Variants in SHANK2 observed in about 807,000 individuals in gnomAD.
SHANK2 encodes the protein SH3 and multiple ankyrin repeat domains 2, also known as SH3 and multiple ankyrin repeat domains protein 2.
In SHANK2, 43 loss-of-function variants were observed where a neutral mutation model predicts 133.7. The ratio of observed to expected loss-of-function variants is 0.32; its 90% CI spans 0.25 to 0.41. The LOEUF is 0.41. Among genes scored for constraint, SHANK2 ranks in the 10% least tolerant of loss-of-function variants. The pLI is 1.00. For missense variants in SHANK2, 1,994 were observed against 2,235.8 expected, an observed-to-expected ratio of 0.89 and a Z score of 2.18; for synonymous variants, 1,017 against 952.8, an observed-to-expected ratio of 1.07 and a Z score of -1.24.
At chr11:71,209,323 C>A (rs1469245050) in intron 2 of SHANK2, among the ~76,000 whole-genome samples, 4 of 152,210 alleles carry the variant, frequency 2.6e-5, no homozygotes, top group Admixed American at 2.0e-4. Context: ...GAGTGGGCCA[C>A]TCCCGACACA....
At chr11:70,530,752 T>TGTTTACTGGGGACGGA (rs1328412375) in intron 17 of SHANK2, among the ~76,000 whole-genome samples, 4 of 151,836 alleles carry the variant, frequency 2.6e-5, no homozygotes, top group African/African-American at 4.8e-5. Context: ...GAAGAGCTAG[T>TGTTTACTGGGGACGGA]GTTTACTGGG....
At chr11:70,608,943 C>T (rs2060617567) in intron 17 of SHANK2, among the ~76,000 whole-genome samples, 1 of 152,228 alleles carries the variant, frequency 6.6e-6, no homozygotes, top group South Asian at 2.1e-4. Context: ...CAAACCCATG[C>T]TAATTAATTT....
chr11:70,682,560 T>C (rs939095632), intron 15 of SHANK2, among the ~76,000 whole-genome samples: 2 of 152,230 alleles, frequency 1.3e-5, no homozygotes, highest in African/African-American at 2.4e-5. Flanking sequence ...GAGGATGATA[T>C]TGACTTTCTA....
At chr11:70,605,948 T>TC (rs199991331) in intron 17 of SHANK2, among the ~76,000 whole-genome samples, 6 of 149,774 alleles carry the variant, frequency 4.0e-5, no homozygotes, top group African/African-American at 1.2e-4. Flanking sequence ...AACCTATTAT[T>TC]CCCCCCCCTC....
chr11:71,236,167 C>A (rs1391004728), intron 1 of SHANK2, among the ~76,000 whole-genome samples: 1 of 152,202 alleles, frequency 6.6e-6, no homozygotes, highest in Non-Finnish European at 1.5e-5. Flanking sequence ...TTCTCCACAT[C>A]CCCAGCTCAA....
chr11:70,834,814 G>A (rs937386703), intron 11 of SHANK2, among the ~76,000 whole-genome samples: 5 of 152,170 alleles, frequency 3.3e-5, no homozygotes, highest in African/African-American at 1.2e-4. Context: ...CTGCAGGATC[G>A]AGGGAGGCCC....
intron 6 of SHANK2, among the ~76,000 whole-genome samples, chr11:71,104,172 C>T (rs1482406242): frequency 1.3e-5 from 2 of 152,014 alleles, no homozygotes; most frequent in African/African-American, 2.4e-5. Flanking sequence ...CACATTTTCC[C>T]GGCACCACCG....
intron 9 of SHANK2, among the ~76,000 whole-genome samples, chr11:71,063,864 C>A (rs1302239321): frequency 1.3e-5 from 2 of 152,214 alleles, no homozygotes; most frequent in Admixed American, 6.5e-5. Flanking sequence ...TACCTCCCCA[C>A]GAAGGAGCGT....
chr11:70,623,090 G>T, intron 17 of SHANK2, among the ~76,000 whole-genome samples: 1 of 152,116 alleles, frequency 6.6e-6, no homozygotes, highest in East Asian at 1.9e-4. Flanking sequence ...GCAGGAGAAT[G>T]GCGTGAACCC....
chr11:70,819,970 G>A (rs868927889), intron 12 of SHANK2, among the ~76,000 whole-genome samples: 33 of 152,266 alleles, frequency 2.2e-4, no homozygotes, highest in Admixed American at 1.6e-3. Context: ...CATGGCCCTC[G>A]GGAGGGCACA....
At chr11:70,678,251 A>G (rs1002273249) in intron 15 of SHANK2, among the ~76,000 whole-genome samples, 2 of 151,974 alleles carry the variant, frequency 1.3e-5, no homozygotes, top group African/African-American at 2.4e-5. Context: ...GGCTCAAGCA[A>G]TTCTTCTGCC....
At chr11:70,819,500 G>A (rs578251337) in intron 12 of SHANK2, among the ~76,000 whole-genome samples, 17 of 152,344 alleles carry the variant, frequency 1.1e-4, no homozygotes, top group East Asian at 3.9e-4. Flanking sequence ...GGGAGGTGGC[G>A]TGAGAAAGGC....
At chr11:70,773,555 T>C (rs930366309) in intron 14 of SHANK2, among the ~76,000 whole-genome samples, 4 of 152,250 alleles carry the variant, frequency 2.6e-5, no homozygotes, top group African/African-American at 7.2e-5. Flanking sequence ...GTGGTGACTA[T>C]GAACGTGGGA....
At chr11:70,717,628 A>G (rs1647278796) in intron 14 of SHANK2, among the ~76,000 whole-genome samples, 1 of 152,144 alleles carries the variant, frequency 6.6e-6, no homozygotes, top group African/African-American at 2.4e-5. Flanking sequence ...TCTCGTAAAG[A>G]ACAAAGGCTC....
chr11:70,760,886 A>C (rs1340353065), intron 14 of SHANK2, among the ~76,000 whole-genome samples: 2 of 152,180 alleles, frequency 1.3e-5, no homozygotes, highest in East Asian at 3.9e-4. Context: ...GAGGATGAGA[A>C]GAGCCAGCAG....
chr11:70,835,607 G>A (rs1479858082), intron 11 of SHANK2, among the ~76,000 whole-genome samples: 11 of 152,176 alleles, frequency 7.2e-5, no homozygotes, highest in African/African-American at 2.7e-4. Context: ...TCCCTGGGAG[G>A]AACTAGAGCT....
At position 70,881,382 on chromosome 11, in the gene SHANK2, G is replaced by A. The variant is rs116004197; in HGVS notation, c.1174+15119C>T. ...CTACAGCTTCACCATGAAGCAGGTGGGTGAATCAGGGGTACAAGATAGACA... is the reference window on the plus strand; with the variant it reads ...CTACAGCTTCACCATGAAGCAGGTGAGTGAATCAGGGGTACAAGATAGACA... On this transcript the variant is annotated intron_variant, in intron 11 of 25. Coordinates refer to ENST00000601538, the MANE Select transcript of SHANK2 (RefSeq NM_012309.5). 8.9e-3 allele frequency among the ~76,000 whole-genome samples: 1,350 copies of A among 151,856 alleles called. 14 individuals are homozygous for A. The highest frequency in any genetic ancestry group is 0.03 in the African/African-American group (1,250 of 41,362).
intron 17 of SHANK2, among the ~76,000 whole-genome samples, chr11:70,636,301 GAGC>G (rs782619718): frequency 1.2e-4 from 18 of 152,334 alleles, no homozygotes; most frequent in East Asian, 3.9e-4. Flanking sequence ...GTATGTGTGT[GAGC>G]AGATGTGTGA....
intron 3 of SHANK2, among the ~76,000 whole-genome samples, chr11:71,140,877 C>T (rs1952542131): frequency 1.3e-5 from 2 of 152,202 alleles, no homozygotes; most frequent in South Asian, 4.1e-4. Flanking sequence ...GCCGGGAATT[C>T]AACTTGCAGG....
Sources: gnomAD v4.1 joint callset for allele counts (sites outside exome capture counted in the v4.1 genomes callset) on GRCh38, gnomAD v4.1.1 for gene constraint, MANE v1.5 for transcripts, NCBI Gene and HGNC (gene_info 2026-07-23, HGNC 2026-07-21) for gene names.